The following MPLKIP variants were observed in gnomAD, a reference collection of about 807,000 sequenced individuals.
MPLKIP encodes M-phase-specific PLK1-interacting protein.
In MPLKIP, 16 loss-of-function variants were observed where a neutral mutation model predicts 16.9. The observed-to-expected ratio is 0.94, with a 90% CI of 0.64 to 1.43. The LOEUF (loss-of-function observed/expected upper bound fraction) is 1.43. MPLKIP is among the 40% of genes most tolerant of loss of function. The pLI is 0.00. For synonymous variants in MPLKIP, 126 were observed against 98.4 expected, an observed-to-expected ratio of 1.28 and a Z score of -1.66; for missense variants, 282 against 237.6, an observed-to-expected ratio of 1.19 and a Z score of -1.23.
chr7:40,130,396 T>TA lies in MPLKIP; in HGVS notation c.*2662dup, dbSNP rs1358094234. The TA allele has an allele frequency of 1.3e-5, 2 of 152,220 alleles. No individual in the cohort carries two copies. The highest frequency in any genetic ancestry group is 4.8e-5 in the African/African-American group (2 of 41,452). 9.4% of individuals were successfully genotyped at this position (152,220 alleles called of 1,614,324 possible). Reference sequence around the variant, plus strand: ...AATTTTGATAACTGAATACACTACTTACAGTGTATGCATCTTTCCTGAGGA... The same window carrying TA: ...AATTTTGATAACTGAATACACTACTTAACAGTGTATGCATCTTTCCTGAGGA... On this transcript the variant is annotated 3_prime_UTR_variant, in exon 2 of 2. Transcript: ENST00000306984.
Position 40,134,338 on chromosome 7 carries a change from CG to C in MPLKIP, c.229del (p.Arg77GlyfsTer76), listed in dbSNP as rs2150561563. On this transcript the variant is annotated frameshift_variant, in exon 1 of 2. Transcript: ENST00000306984. LOFTEE classifies it high-confidence loss of function. ...PRHGGSFPGG[R>X]FGSPSPGGYP... ...GCCGCCAGGGGACGGAGACCCGAAC[CG>C]GCCCCCCGGGAAGCTGCCGCCGTGT... is the stretch of plus-strand genomic sequence containing the variant. 4 of 1,552,864 alleles carry C rather than the reference CG, an allele frequency of 2.6e-6. No individual in the cohort carries two copies. In the South Asian group the frequency reaches 3.6e-5, roughly 14 times the overall value.
At position 40,133,098 on chromosome 7, in the gene MPLKIP, A is replaced by G. The variant is rs1325466760; in HGVS notation, c.501T>C (p.Thr167=). Residue 167 remains threonine (T), a synonymous_variant, in exon 2 of 2, where the codon ACT becomes ACC. Coordinates refer to ENST00000306984, the MANE Select transcript of MPLKIP (RefSeq NM_138701.4). The stretch of plus-strand genomic sequence containing the variant: ...TTCCTTTTTTGCCTGTGAATGTTTG[A>G]GTATTGCTGTATTGTTGGCTTATAT... ...VVDISQQYSN[T]QTFTGKKGRY... 5 of 1,614,012 alleles carry G rather than the reference A, an allele frequency of 3.1e-6. No individual in the cohort carries two copies. Among genetic ancestry groups the G allele is most frequent in the Admixed American group, 1.7e-5 (1 of 60,024 alleles).
Position 40,128,074 on chromosome 7 carries a change from T to G in MPLKIP, c.*4985A>C, listed in dbSNP as rs1787414321. 6.6e-6 allele frequency: 1 copy of G among 151,914 alleles called. No individual in the cohort carries two copies. 9.4% of individuals were successfully genotyped at this position (151,914 alleles called of 1,614,324 possible). A position where few individuals can be genotyped will look rare whatever the true frequency, so the allele number is the denominator to read the frequency against. Reference sequence around the variant, plus strand: ...ACAAAAAAAGAGGTCATTAGGAAGTTCAGGGCTTATATCAGGTGTACTGAT... The same window carrying G: ...ACAAAAAAAGAGGTCATTAGGAAGTGCAGGGCTTATATCAGGTGTACTGAT... On this transcript the variant is annotated 3_prime_UTR_variant, in exon 2 of 2. Coordinates refer to ENST00000306984, the MANE Select transcript of MPLKIP (RefSeq NM_138701.4).
rs1787459864 is a variant in MPLKIP at position 40,131,337 on chromosome 7, A to G, written c.*1722T>C. Reference sequence around the variant, plus strand: ...GTTTCTTTCTGGGAATGTTGAAACAAAAGTTTTACTAGCTCTATCTTCGTA... The same window carrying G: ...GTTTCTTTCTGGGAATGTTGAAACAGAAGTTTTACTAGCTCTATCTTCGTA... On this transcript the variant is annotated 3_prime_UTR_variant, in exon 2 of 2. Transcript: ENST00000306984. The G allele has an allele frequency of 6.6e-6, 1 of 152,150 alleles. No individual in the cohort carries two copies. Among genetic ancestry groups the G allele is most frequent in the Non-Finnish European group, 1.5e-5 (1 of 68,040 alleles). 9.4% of individuals were successfully genotyped at this position (152,150 alleles called of 1,614,324 possible). A position where few individuals can be genotyped will look rare whatever the true frequency, so the allele number is the denominator to read the frequency against.
chr7:40,133,227 T>G lies in MPLKIP; in HGVS notation c.372A>C (p.Ser124=), dbSNP rs772834973. 4.3e-6 allele frequency: 7 copies of G among 1,613,456 alleles called. No homozygotes were observed. The highest frequency in any genetic ancestry group is 1.3e-5 in the African/African-American group (1 of 74,926). The change falls in exon 2 of 2, where the codon TCA becomes TCC. Residue 124 remains serine (S), a synonymous_variant. Transcript: ENST00000306984. ...GSPRTSTPFG[S]GRVREKRMSN... ...ACATTCTTTTTTCTCTAACACGCCC[T>G]GATCCAAATGGTGTAGATGTCCTTG...
rs1248060470 is a variant in MPLKIP at position 40,134,619 on chromosome 7, T to C, written c.-52A>G. On this transcript the variant is annotated 5_prime_UTR_variant, in exon 1 of 2. The change creates a new upstream start codon in the 5' untranslated region. Transcript: ENST00000306984. Reference sequence around the variant, plus strand: ...CAGCCGCGTTCTCCCACCGGAACTGTATCAACCGGCCCTCCGCAGAGAACT... The same window carrying C: ...CAGCCGCGTTCTCCCACCGGAACTGCATCAACCGGCCCTCCGCAGAGAACT... 6.6e-7 allele frequency: 1 copy of C among 1,523,842 alleles called. No homozygotes were observed. Among genetic ancestry groups the C allele is most frequent in the Non-Finnish European group, 8.8e-7 (1 of 1,130,486 alleles). The allele number at this position is 1,523,842 out of a possible 1,614,324, so 94.4% of individuals were successfully genotyped here.
chr7:40,134,421 G>T lies in MPLKIP; in HGVS notation c.147C>A (p.His49Gln), dbSNP rs917376489. Residue 49 changes from histidine (H) to glutamine (Q), a missense_variant, in exon 1 of 2, where the codon CAC (histidine) becomes CAA (glutamine). Coordinates refer to ENST00000306984, the MANE Select transcript of MPLKIP (RefSeq NM_138701.4). ...ACCGGGGCCCGTACGGCGGCGTGTG[G>T]TGCGGACTCCCGTACCCGTCTCGAG... Reference protein sequence around the residue: ...PSPRDGYGSPHHTPPYGPRSR... With the variant: ...PSPRDGYGSPQHTPPYGPRSR... The T allele has an allele frequency of 4.5e-6, 7 of 1,564,912 alleles. No individual in the cohort carries two copies. Among genetic ancestry groups the T allele is most frequent in the African/African-American group, 2.7e-5 (2 of 73,786 alleles).
Position 40,130,198 on chromosome 7 carries a change from T to C in MPLKIP, c.*2861A>G, listed in dbSNP as rs989839482. The C allele has an allele frequency of 3.3e-5, 5 of 152,228 alleles. No homozygotes were observed. The highest frequency in any genetic ancestry group is 7.3e-5 in the Non-Finnish European group (5 of 68,040). The allele number at this position is 152,228 out of a possible 1,614,324, so 9.4% of individuals were successfully genotyped here. On this transcript the variant is annotated 3_prime_UTR_variant, in exon 2 of 2. Transcript: ENST00000306984. ...TTTAAGCATATGAATTTTTAAGATGTATACTTAATTGTAAGTTTTTCTAAA... is the reference window on the plus strand; with the variant it reads ...TTTAAGCATATGAATTTTTAAGATGCATACTTAATTGTAAGTTTTTCTAAA...
rs1481651232 is a variant in MPLKIP, at chr7:40,133,057, T to C, written c.*2A>G. 2 of 1,613,470 alleles carry C rather than the reference T, an allele frequency of 1.2e-6. No homozygotes were observed. The highest frequency in any genetic ancestry group is 1.7e-6 in the Non-Finnish European group (2 of 1,179,596). On this transcript the variant is annotated 3_prime_UTR_variant, in exon 2 of 2. Transcript: ENST00000306984. The stretch of plus-strand genomic sequence containing the variant: ...GAAGCTTCCAGTTGAATTTCAGAAA[T>C]GTTAACAAAAGTATCTTCCTTTTTT...
At position 40,129,418 on chromosome 7, in the gene MPLKIP, A is replaced by G. The variant is rs1787432813; in HGVS notation, c.*3641T>C. Reference sequence around the variant, plus strand: ...ATTACAGGCGCGCGCCACCATGCCCAGCTTATTTTTGTGTTTTTAGTGGAG... The same window carrying G: ...ATTACAGGCGCGCGCCACCATGCCCGGCTTATTTTTGTGTTTTTAGTGGAG... On this transcript the variant is annotated 3_prime_UTR_variant, in exon 2 of 2. Transcript: ENST00000306984. 1 of 151,818 alleles carries G rather than the reference A, an allele frequency of 6.6e-6. No individual in the cohort carries two copies. The highest frequency in any genetic ancestry group is 2.4e-5 in the African/African-American group (1 of 41,306). 9.4% of individuals were successfully genotyped at this position (151,818 alleles called of 1,614,324 possible).
rs1486288789 is a variant in MPLKIP at position 40,132,665 on chromosome 7, T to C, written c.*394A>G. On this transcript the variant is annotated 3_prime_UTR_variant, in exon 2 of 2. Transcript: ENST00000306984. ...TTTCAAAAATAATTTGCAAAACATT[T>C]ACCTATGAACTCTAAGTGACTACAA... 3.9e-6 allele frequency: 1 copy of C among 255,604 alleles called. No individual in the cohort carries two copies. Among genetic ancestry groups the C allele is most frequent in the East Asian group, 1.1e-4 (1 of 9,294 alleles). The allele number at this position is 255,604 out of a possible 1,614,324, so 15.8% of individuals were successfully genotyped here.
Position 40,132,866 on chromosome 7 carries a change from G to A in MPLKIP, c.*193C>T, listed in dbSNP as rs1272195396. 3.3e-6 allele frequency: 2 copies of A among 607,984 alleles called. No homozygotes were observed. Among genetic ancestry groups the A allele is most frequent in the Non-Finnish European group, 5.8e-6 (2 of 343,148 alleles). 37.7% of individuals were successfully genotyped at this position (607,984 alleles called of 1,614,324 possible). A position where few individuals can be genotyped will look rare whatever the true frequency, so the allele number is the denominator to read the frequency against. ...CTCTAAAATGTGGTAGGTACTTCCAGAGCTAAATGTTGCAAGTTATCCTAC... is the reference window on the plus strand; with the variant it reads ...CTCTAAAATGTGGTAGGTACTTCCAAAGCTAAATGTTGCAAGTTATCCTAC... On this transcript the variant is annotated 3_prime_UTR_variant, in exon 2 of 2. Coordinates refer to ENST00000306984, the MANE Select transcript of MPLKIP (RefSeq NM_138701.4).
Position 40,130,457 on chromosome 7 carries a change from T to C in MPLKIP, c.*2602A>G, listed in dbSNP as rs922395642. 6.6e-6 allele frequency: 1 copy of C among 152,174 alleles called. No individual in the cohort carries two copies. Among genetic ancestry groups the C allele is most frequent in the Non-Finnish European group, 1.5e-5 (1 of 68,034 alleles). The allele number at this position is 152,174 out of a possible 1,614,324, so 9.4% of individuals were successfully genotyped here. A position where few individuals can be genotyped will look rare whatever the true frequency, so the allele number is the denominator to read the frequency against. ...TCTTAAAAAACTCAGGCCAGGTCTCTAGAAGTAGATGTTGGTAAGCGTTAG... is the reference window on the plus strand; with the variant it reads ...TCTTAAAAAACTCAGGCCAGGTCTCCAGAAGTAGATGTTGGTAAGCGTTAG... On this transcript the variant is annotated 3_prime_UTR_variant, in exon 2 of 2. Transcript: ENST00000306984.
In MPLKIP at chr7:40,128,910, C is replaced by T. The variant is rs1213674136; in HGVS notation, c.*4149G>A. 1 of 73,088 alleles carries T rather than the reference C, an allele frequency of 1.4e-5. No homozygotes were observed. The highest frequency in any genetic ancestry group is 1.8e-4 in the Admixed American group (1 of 5,452). The allele number at this position is 73,088 out of a possible 1,614,324, so 4.5% of individuals were successfully genotyped here. Reference sequence around the variant, plus strand: ...CAGCATGGGTGACAGAACAAGACTTCGTCTCAAAAAAAAAAAAAAAAAAAA... The same window carrying T: ...CAGCATGGGTGACAGAACAAGACTTTGTCTCAAAAAAAAAAAAAAAAAAAA... On this transcript the variant is annotated 3_prime_UTR_variant, in exon 2 of 2. Coordinates refer to ENST00000306984, the MANE Select transcript of MPLKIP (RefSeq NM_138701.4).
chr7:40,127,030 T>G lies in MPLKIP; in HGVS notation c.*6029A>C, dbSNP rs1400028580. ...TTTCACTGTGTTAGCCAGGATGGGT[T>G]AAAGCCAATTTTCAAATGTATTGTC... is the stretch of plus-strand genomic sequence containing the variant. On this transcript the variant is annotated 3_prime_UTR_variant, in exon 2 of 2. Transcript: ENST00000306984. 1 of 152,046 alleles carries G rather than the reference T, an allele frequency of 6.6e-6. No individual in the cohort carries two copies. Among genetic ancestry groups the G allele is most frequent in the African/African-American group, 2.4e-5 (1 of 41,388 alleles). 9.4% of individuals were successfully genotyped at this position (152,046 alleles called of 1,614,324 possible). A position where few individuals can be genotyped will look rare whatever the true frequency, so the allele number is the denominator to read the frequency against.
In MPLKIP at chr7:40,134,344, C is replaced by T. The variant is rs1188761503; in HGVS notation, c.224G>A (p.Gly75Glu). 6.4e-7 allele frequency: 1 copy of T among 1,553,036 alleles called. No homozygotes were observed. Among genetic ancestry groups the T allele is most frequent in the Non-Finnish European group, 8.7e-7 (1 of 1,149,088 alleles). Reference protein sequence around the residue: ...HSPRHGGSFPGGRFGSPSPGG... With the variant: ...HSPRHGGSFPEGRFGSPSPGG... ...AGGGGACGGAGACCCGAACCGGCCC[C>T]CCGGGAAGCTGCCGCCGTGTCGCGG... The change falls in exon 1 of 2, where the codon GGG becomes GAG. Residue 75 changes from glycine (G) to glutamate (E), a missense_variant. Physicochemically the swap from Gly to Glu is moderately conservative, Grantham distance 98. Coordinates refer to ENST00000306984, the MANE Select transcript of MPLKIP (RefSeq NM_138701.4).
Position 40,131,644 on chromosome 7 carries a change from G to A in MPLKIP, c.*1415C>T, listed in dbSNP as rs1225095087. ...ATCACTTGAGACCAGGAGTTCAATC[G>A]AGACCAGCCTGGCCAACACGGTGAA... On this transcript the variant is annotated 3_prime_UTR_variant, in exon 2 of 2. Transcript: ENST00000306984. The A allele has an allele frequency of 6.6e-6, 1 of 152,232 alleles. No homozygotes were observed. The highest frequency in any genetic ancestry group is 1.5e-5 in the Non-Finnish European group (1 of 68,084). The allele number at this position is 152,232 out of a possible 1,614,324, so 9.4% of individuals were successfully genotyped here.
In MPLKIP at chr7:40,134,312, A is replaced by G; in HGVS notation, c.256T>C (p.Tyr86His). 2.6e-6 allele frequency: 4 copies of G among 1,556,382 alleles called. No homozygotes were observed. In the Admixed American group the frequency reaches 7.7e-5, roughly 30 times the overall value. ...GRFGSPSPGG[Y>H]PGSYSRSPAG... ...GGGGACCTGGAGTAGGAGCCAGGGT[A>G]GCCGCCAGGGGACGGAGACCCGAAC... The change falls in exon 1 of 2, where the codon TAC becomes CAC. Residue 86 changes from tyrosine to histidine, a missense_variant. Coordinates refer to ENST00000306984, the MANE Select transcript of MPLKIP (RefSeq NM_138701.4).
rs758804291 is a variant in MPLKIP at position 40,134,381 on chromosome 7, TCCCGTACGGCCTAGACCGGGG to T, written c.166_186del (p.Pro56_Gly62del). 9.6e-6 allele frequency: 15 copies of T among 1,558,134 alleles called. No individual in the cohort carries two copies. Among genetic ancestry groups the T allele is most frequent in the African/African-American group, 1.4e-5 (1 of 73,450 alleles). ...CCGCCGTGTCGCGGAGAGTGACTGC[TCCCGTACGGCCTAGACCGGGG>T]CCCGTACGGCGGCGTGTGGTGCGGA... On this transcript the variant is annotated inframe_deletion, in exon 1 of 2. Transcript: ENST00000306984.
Sources: gnomAD v4.1 joint callset for allele counts on GRCh38, gnomAD v4.1.1 for gene constraint, MANE v1.5 for transcripts, NCBI Gene and HGNC (gene_info 2026-07-23, HGNC 2026-07-21) for gene names.